The following ASTN2 variants were observed in gnomAD, a reference collection of about 807,000 sequenced individuals.
ASTN2 encodes astrotactin 2.
A neutral mutation model predicts 139.8 loss-of-function variants in ASTN2; 54 were observed. The ratio of observed to expected loss-of-function variants is 0.39; its 90% CI spans 0.31 to 0.48. ASTN2 has a LOEUF of 0.48. Ranked by LOEUF, ASTN2 falls within the 20% of genes least tolerant of loss-of-function variation. The pLI, the probability that ASTN2 is intolerant of heterozygous loss-of-function variation, is 0.95. For missense variants in ASTN2, 1,565 were observed against 1,725.1 expected (o/e 0.91, Z 1.64); for synonymous variants, 756 against 719.5 (o/e 1.05, Z -0.81).
intron 19 of ASTN2, among the ~76,000 whole-genome samples, chr9:116,517,413 C>T (rs1235037631): frequency 6.6e-6 from 1 of 152,174 alleles, no homozygotes; most frequent in African/African-American, 2.4e-5. Context: ...AAAACAATCA[C>T]TACATTTCAG....
chr9:117,116,584 T>G (rs1351577744), intron 4 of ASTN2, among the ~76,000 whole-genome samples: 28 of 151,254 alleles, frequency 1.9e-4, no homozygotes, highest in South Asian at 1.7e-3. Context: ...CAAAAGTTTT[T>G]TTTTTTTTTT....
chr9:116,756,592 C>T (rs771880800), intron 13 of ASTN2, among the ~76,000 whole-genome samples: 19 of 152,026 alleles, frequency 1.2e-4, no homozygotes, highest in Non-Finnish European at 2.5e-4. Context: ...AGCTCTGGCA[C>T]CTATTCAGTG....
chr9:116,620,232 C>T (rs1019364100), intron 18 of ASTN2, 78 bp downstream of exon 18: 1 of 1,601,182 alleles, frequency 6.2e-7, no homozygotes, highest in Non-Finnish European at 8.5e-7. Context: ...AGAAGCAAGT[C>T]ATGGCATGGG....
Position 116,620,432 on chromosome 9 carries a change from A to G in ASTN2, c.3084T>C (p.Ser1028=). 3.1e-6 allele frequency: 5 copies of G among 1,614,094 alleles called. No individual in the cohort carries two copies. The highest frequency in any genetic ancestry group is 4.2e-6 in the Non-Finnish European group (5 of 1,180,006). ...AGCACCAGTAGGAACTCATCAGTGC[A>G]CTCTTGAAGGCCTGGACAAAAAAAG... ...QDNGTKEAFK[S]ALMSSYWCSG... The change falls in exon 18 of 23, where the codon AGT becomes AGC. Residue 1028 remains serine, a synonymous_variant. Transcript: ENST00000313400.
intron 3 of ASTN2, among the ~76,000 whole-genome samples, chr9:117,184,032 A>T (rs190216146): frequency 6.6e-6 from 1 of 152,192 alleles, no homozygotes; most frequent in African/African-American, 2.4e-5. Context: ...CTCCTCCTGG[A>T]ATATCCATCT....
chr9:117,335,258 G>T (rs1828847657), intron 1 of ASTN2, among the ~76,000 whole-genome samples: 1 of 152,126 alleles, frequency 6.6e-6, no homozygotes, highest in Non-Finnish European at 1.5e-5. Flanking sequence ...CCAGAATGCT[G>T]CCTGGAACAT....
At chr9:116,887,650 TA>T (rs1421599525) in intron 10 of ASTN2, among the ~76,000 whole-genome samples, 1 of 152,132 alleles carries the variant, frequency 6.6e-6, no homozygotes, top group Non-Finnish European at 1.5e-5. Context: ...TGCAATGATG[TA>T]ATTTACTTTG....
At chr9:116,797,284 T>TAA (rs1204793373) in intron 13 of ASTN2, among the ~76,000 whole-genome samples, 2 of 152,168 alleles carry the variant, frequency 1.3e-5, no homozygotes, top group Non-Finnish European at 1.5e-5. Context: ...AATAAAGTGG[T>TAA]TTGAAAAAAG....
intron 10 of ASTN2, among the ~76,000 whole-genome samples, chr9:116,879,647 G>T (rs867573179): frequency 2.0e-5 from 3 of 152,212 alleles, no homozygotes; most frequent in South Asian, 2.1e-4. Context: ...TAAACAGAGG[G>T]TCTGGAACAC....
chr9:117,334,953 G>A (rs1395955156), intron 1 of ASTN2, among the ~76,000 whole-genome samples: 1 of 152,306 alleles, frequency 6.6e-6, no homozygotes, highest in African/African-American at 2.4e-5. Context: ...TACTTAGGAG[G>A]CTGAGGCATG....
At chr9:116,766,416 A>T (rs1829808624) in intron 13 of ASTN2, among the ~76,000 whole-genome samples, 1 of 151,932 alleles carries the variant, frequency 6.6e-6, no homozygotes, top group Admixed American at 6.6e-5. Context: ...ATACACACAA[A>T]CACATACATT....
At chr9:117,275,093 CAA>C (rs1834154476) in intron 2 of ASTN2, among the ~76,000 whole-genome samples, 1 of 152,312 alleles carries the variant, frequency 6.6e-6, no homozygotes, top group East Asian at 1.9e-4. Flanking sequence ...CATTGTATAT[CAA>C]AGACTGCCTT....
chr9:117,258,047 G>A (rs1833733314), intron 2 of ASTN2, among the ~76,000 whole-genome samples: 1 of 152,204 alleles, frequency 6.6e-6, no homozygotes, highest in South Asian at 2.1e-4. Flanking sequence ...GTAAAAAGAA[G>A]AGTAGGGAGT....
chr9:116,531,564 G>A (rs59325309), intron 19 of ASTN2, among the ~76,000 whole-genome samples: 24,766 of 139,390 alleles, frequency 0.18, 2,315 homozygotes, highest in African/African-American at 0.26. Context: ...CCCTTCCTGT[G>A]TCCAAGTGTT....
intron 3 of ASTN2, among the ~76,000 whole-genome samples, chr9:117,165,012 T>A (rs1275244419): frequency 6.6e-6 from 1 of 152,040 alleles, no homozygotes; most frequent in Non-Finnish European, 1.5e-5. Context: ...CAAGAAGATA[T>A]GGCTGGTGTA....
At chr9:116,519,539 G>C (rs1850783708) in intron 19 of ASTN2, among the ~76,000 whole-genome samples, 1 of 152,010 alleles carries the variant, frequency 6.6e-6, no homozygotes, top group South Asian at 2.1e-4. Context: ...AAAGCATTAA[G>C]TGCCTACATC....
intron 19 of ASTN2, among the ~76,000 whole-genome samples, chr9:116,549,833 A>G (rs986380468): frequency 6.6e-6 from 1 of 152,038 alleles, no homozygotes; most frequent in Non-Finnish European, 1.5e-5. Context: ...TGGCCCTGTA[A>G]TATCTCTCTA....
At position 116,792,517 on chromosome 9, in the gene ASTN2, C is replaced by T. The variant is rs568592375; in HGVS notation, c.2396+13115G>A. On this transcript the variant is annotated intron_variant, in intron 13 of 22. Coordinates refer to ENST00000313400, the MANE Select transcript of ASTN2 (RefSeq NM_001365068.1). Reference sequence around the variant, plus strand: ...TCAGCACCTGGGACTTAGCAGCCTGCCTTCAATAAGTGCCTTCTCTGTTGG... The same window carrying T: ...TCAGCACCTGGGACTTAGCAGCCTGTCTTCAATAAGTGCCTTCTCTGTTGG... 2.0e-5 allele frequency among the ~76,000 whole-genome samples: 3 copies of T among 152,288 alleles called. No individual in the cohort carries two copies. In the East Asian group the frequency reaches 5.8e-4, roughly 29 times the overall value.
intron 19 of ASTN2, among the ~76,000 whole-genome samples, chr9:116,597,517 C>T (rs1248897518): frequency 2.0e-5 from 3 of 151,746 alleles, no homozygotes; most frequent in Non-Finnish European, 4.4e-5. Flanking sequence ...GTCTTGATCT[C>T]CTGACCTCAT....
Sources: allele counts gnomAD v4.1 joint callset (sites outside exome capture counted in the v4.1 genomes callset), GRCh38; gene constraint gnomAD v4.1.1; transcripts MANE v1.5; gene names NCBI Gene and HGNC (gene_info 2026-07-23, HGNC 2026-07-21).